Variants in FHOD3 observed in about 807,000 individuals in gnomAD.
The protein encoded by FHOD3 is formin homology 2 domain containing 3, also known as FH1/FH2 domain-containing protein 3.
FHOD3 carries 90 observed loss-of-function variants against 173.0 expected under a neutral mutation model. The ratio of observed to expected loss-of-function variants is 0.52; its 90% CI spans 0.44 to 0.62. The LOEUF is 0.62. Among genes scored for constraint, FHOD3 ranks in the 20% least tolerant of loss-of-function variants. The pLI is 0.00. For synonymous variants in FHOD3, 828 were observed against 823.0 expected (o/e 1.01, Z -0.10); for missense variants, 1,945 against 2,034.7 (o/e 0.96, Z 0.85).
intron 16 of FHOD3, among the ~76,000 whole-genome samples, 155 bp downstream of exon 16, chr18:36,687,333 A>G (rs1009480117): frequency 6.6e-6 from 1 of 152,170 alleles, no homozygotes; most frequent in Non-Finnish European, 1.5e-5. Flanking sequence ...AGTTACCTAA[A>G]TTTTCCAATA....
intron 3 of FHOD3, among the ~76,000 whole-genome samples, chr18:36,416,861 C>T (rs1780445150): frequency 1.3e-5 from 2 of 152,244 alleles, no homozygotes; most frequent in South Asian, 4.1e-4. Flanking sequence ...CAAGCGCTTC[C>T]TCCTGCCAGC....
intron 25 of FHOD3, 30 bp from the exon 26 acceptor site, chr18:36,759,088 C>T (rs533270116): frequency 2.1e-4 from 320 of 1,535,376 alleles, no homozygotes; most frequent in Non-Finnish European, 2.6e-4. Context: ...CTGTCTTTTC[C>T]GTCCTGTCCT....
chr18:36,718,791 ATTTTGCATTGC>A, intron 19 of FHOD3, 76 bp downstream of exon 19: 1 of 1,520,158 alleles, frequency 6.6e-7, no homozygotes, highest in Non-Finnish European at 8.8e-7. Context: ...ATAAAATACT[ATTTTGCATTGC>A]TTTTGCTATT....
chr18:36,428,738 C>A (rs2050383188), intron 3 of FHOD3, among the ~76,000 whole-genome samples: 1 of 152,202 alleles, frequency 6.6e-6, no homozygotes, highest in Non-Finnish European at 1.5e-5. Flanking sequence ...GCAGAATGAT[C>A]ATTCCAGGGA....
At chr18:36,765,811 A>G (rs2150338431) in intron 27 of FHOD3, among the ~76,000 whole-genome samples, 1 of 152,310 alleles carries the variant, frequency 6.6e-6, no homozygotes, top group Admixed American at 6.5e-5. Flanking sequence ...TGGAAAGAAT[A>G]GAATAAAATA....
intron 8 of FHOD3, among the ~76,000 whole-genome samples, chr18:36,606,290 A>G (rs2032060260): frequency 6.6e-6 from 1 of 152,144 alleles, no homozygotes; most frequent in Non-Finnish European, 1.5e-5. Context: ...GGGAGGTTCA[A>G]TATCAAAGTA....
At chr18:36,303,970 C>A (rs1335653907) in intron 1 of FHOD3, among the ~76,000 whole-genome samples, 2 of 152,122 alleles carry the variant, frequency 1.3e-5, no homozygotes, top group Non-Finnish European at 2.9e-5. Context: ...CTTTGCCAAT[C>A]AGCGCAATCC....
intron 1 of FHOD3, among the ~76,000 whole-genome samples, chr18:36,308,912 T>C (rs1482392105): frequency 2.0e-5 from 3 of 152,190 alleles, no homozygotes; most frequent in Non-Finnish European, 4.4e-5. Flanking sequence ...GATTTGTGGA[T>C]GTTATAACTC....
chr18:36,399,648 C>T (rs1188700616), intron 3 of FHOD3, among the ~76,000 whole-genome samples: 3 of 152,210 alleles, frequency 2.0e-5, no homozygotes, highest in Non-Finnish European at 4.4e-5. Flanking sequence ...TAGCCTTGTG[C>T]TCAGGTGCTC....
rs112008345 is a variant in FHOD3 at position 36,649,377 on chromosome 18, G to A, written c.1258G>A (p.Asp420Asn). 73 of 1,535,678 alleles carry A rather than the reference G, an allele frequency of 4.8e-5. No individual in the cohort carries two copies. The African/African-American group carries it at 8.1e-4, about 17-fold the overall frequency. Reference sequence around the variant, plus strand: ...GCCCAGTTCCGAAGAAGAGAGAGAGGATGATGCTTCCTGTCAGGGCAAGGA... The same window carrying A: ...GCCCAGTTCCGAAGAAGAGAGAGAGAATGATGCTTCCTGTCAGGGCAAGGA... ...TEPSSEEERE[D>N]DASCQGKDSK... The change falls in exon 11 of 29, where the codon GAT (aspartate) becomes AAT (asparagine). Residue 420 changes from aspartate to asparagine, a missense_variant. Asp to Asn is a conservative substitution (Grantham distance 23). Coordinates refer to ENST00000590592, the MANE Select transcript of FHOD3 (RefSeq NM_001281740.3).
At chr18:36,482,852 C>CAGAGAGAGAGAGAGAGAG (rs1261400888) in intron 3 of FHOD3, among the ~76,000 whole-genome samples, 1 of 101,152 alleles carries the variant, frequency 9.9e-6, no homozygotes, top group African/African-American at 3.9e-5. Flanking sequence ...CACACTCACA[C>CAGAGAGAGAGAGAGAGAG]ACACACAGAG....
intron 1 of FHOD3, among the ~76,000 whole-genome samples, chr18:36,320,980 A>G (rs982613679): frequency 3.3e-5 from 5 of 152,048 alleles, no homozygotes; most frequent in Admixed American, 2.6e-4. Flanking sequence ...AACCAGTGCC[A>G]TCTCCCTCGG....
intron 17 of FHOD3, among the ~76,000 whole-genome samples, chr18:36,699,607 G>T (rs2039468944): frequency 6.6e-6 from 1 of 152,176 alleles, no homozygotes; most frequent in East Asian, 1.9e-4. Context: ...CCATGCTCAA[G>T]ATCTTAATCA....
intron 3 of FHOD3, among the ~76,000 whole-genome samples, chr18:36,376,908 G>A (rs922085478): frequency 2.0e-5 from 3 of 152,236 alleles, no homozygotes; most frequent in African/African-American, 4.8e-5. Flanking sequence ...ACAGCCAGCC[G>A]ATTTAGGAGC....
chr18:36,364,844 A>G (rs1382369060), intron 2 of FHOD3, among the ~76,000 whole-genome samples: 1 of 152,086 alleles, frequency 6.6e-6, no homozygotes, highest in Non-Finnish European at 1.5e-5. Context: ...TTGTGAGAGG[A>G]GCAAGGCAAG....
intron 3 of FHOD3, among the ~76,000 whole-genome samples, chr18:36,449,365 C>T (rs1385691911): frequency 6.6e-6 from 1 of 152,170 alleles, no homozygotes. Flanking sequence ...GAGCATCATT[C>T]TAATTTTGTT....
At chr18:36,369,089 G>A (rs1443303891) in intron 2 of FHOD3, among the ~76,000 whole-genome samples, 2 of 152,150 alleles carry the variant, frequency 1.3e-5, no homozygotes, top group African/African-American at 2.4e-5. Context: ...TTTCTGAGCC[G>A]AAACTGACAT....
intron 3 of FHOD3, among the ~76,000 whole-genome samples, chr18:36,459,556 T>C (rs1230325703): frequency 6.6e-6 from 1 of 152,064 alleles, no homozygotes; most frequent in Non-Finnish European, 1.5e-5. Context: ...ACCTGCAGTG[T>C]GGGGGAAGAC....
intron 9 of FHOD3, among the ~76,000 whole-genome samples, chr18:36,625,258 C>G (rs1235358159): frequency 6.6e-6 from 1 of 152,194 alleles, no homozygotes; most frequent in Non-Finnish European, 1.5e-5. Flanking sequence ...CTCAGACTCA[C>G]TGGTCATATT....
Sources: gnomAD v4.1 joint callset for allele counts (sites outside exome capture counted in the v4.1 genomes callset) on GRCh38, gnomAD v4.1.1 for gene constraint, MANE v1.5 for transcripts, NCBI Gene and HGNC (gene_info 2026-07-23, HGNC 2026-07-21) for gene names.